The following PCDHB10 variants were observed in gnomAD, a reference collection of about 807,000 sequenced individuals.
PCDHB10 encodes the protein protocadherin beta 10.
For missense variants in PCDHB10, 1,046 were observed against 1,004.7 expected (o/e 1.04, Z -0.56); for synonymous variants, 448 against 449.2 (o/e 1.00, Z 0.04).
rs1554284246 is a variant in PCDHB10 at position 141,194,013 on chromosome 5, C to T, written c.1461C>T (p.Thr487=). The change falls in exon 1 of 1, where the codon ACC becomes ACT. Residue 487 remains threonine (T), a synonymous_variant. Coordinates refer to ENST00000239446, the MANE Select transcript of PCDHB10 (RefSeq NM_018930.4). Reference sequence around the variant, plus strand: ...ACTCGGGCACCAACGCCCAGGTCACCTACTCGCTGCTGCCGCCCCAAGACC... The same window carrying T: ...ACTCGGGCACCAACGCCCAGGTCACTTACTCGCTGCTGCCGCCCCAAGACC... ...DRDSGTNAQV[T]YSLLPPQDPH... 1 of 1,609,008 alleles carries T rather than the reference C, an allele frequency of 6.2e-7. No individual in the cohort carries two copies. The highest frequency in any genetic ancestry group is 2.2e-5 in the East Asian group (1 of 44,808).
At position 141,193,319 on chromosome 5, in the gene PCDHB10, C is replaced by A. The variant is rs782766468; in HGVS notation, c.767C>A (p.Pro256His). ...LYETQAPENS[P>H]IGFLIVKVWA... is the part of the protein sequence containing the mutation. ...GAGACCCAGGCTCCAGAAAACAGCC[C>A]CATTGGGTTCCTTATTGTTAAGGTA... Residue 256 changes from proline to histidine, a missense_variant, in exon 1 of 1, where the codon CCC becomes CAC. Transcript: ENST00000239446. 2 of 1,614,076 alleles carry A rather than the reference C, an allele frequency of 1.2e-6. No individual in the cohort carries two copies. The highest frequency in any genetic ancestry group is 1.3e-5 in the African/African-American group (1 of 74,992).
rs1428124124 is a variant in PCDHB10 at position 141,194,450 on chromosome 5, G to A, written c.1898G>A (p.Arg633His). Residue 633 changes from arginine (R) to histidine (H), a missense_variant, in exon 1 of 1, where the codon CGC (arginine) becomes CAC (histidine). Coordinates refer to ENST00000239446, the MANE Select transcript of PCDHB10 (RefSeq NM_018930.4). ...CGCACCGCCAGGCTGCTGAGCGAGC[G>A]CGACGCAGCCAAGCACAGGCTCGTG... ...EVRTARLLSE[R>H]DAAKHRLVVL... The A allele has an allele frequency of 1.7e-5, 27 of 1,604,240 alleles. No homozygotes were observed. The East Asian group carries it at 5.8e-4, about 35-fold the overall frequency.
rs1343147180 is a variant in PCDHB10 at position 141,193,193 on chromosome 5, C to T, written c.641C>T (p.Ala214Val). The change falls in exon 1 of 1, where the codon GCG becomes GTG. Residue 214 changes from alanine to valine, a missense_variant. Physicochemically the swap from Ala to Val is moderately conservative, Grantham distance 64 (BLOSUM62 0). Transcript: ENST00000239446. ...EQGELSLTLT[A>V]LDGGSPSRSG... ...GGAGAGCTCAGCTTAACCCTCACAG[C>T]GCTGGATGGTGGGTCTCCATCCAGG... 4 of 1,613,920 alleles carry T rather than the reference C, an allele frequency of 2.5e-6. No homozygotes were observed. In the East Asian group the frequency reaches 8.9e-5, roughly 36 times the overall value.
rs369256683 is a variant in PCDHB10, at chr5:141,193,066, A to C, written c.514A>C (p.Ile172Leu). Residue 172 changes from isoleucine (I) to leucine (L), a missense_variant, in exon 1 of 1, where the codon ATC becomes CTC. Physicochemically the swap from Ile to Leu is conservative, Grantham distance 5. Coordinates refer to ENST00000239446, the MANE Select transcript of PCDHB10 (RefSeq NM_018930.4). ...GGLNGIQNYT[I>L]SPNSFFHINI... is the part of the protein sequence containing the mutation. ...ACTTAACGGTATCCAAAACTACACG[A>C]TCAGCCCCAACTCTTTTTTCCATAT... is the stretch of plus-strand genomic sequence containing the variant. 5.0e-6 allele frequency: 8 copies of C among 1,614,100 alleles called. No homozygotes were observed. The African/African-American group carries it at 1.1e-4, about 22-fold the overall frequency.
In PCDHB10 at chr5:141,195,048, C is replaced by A; in HGVS notation, c.*93C>A. 2 of 1,347,402 alleles carry A rather than the reference C, an allele frequency of 1.5e-6. No homozygotes were observed. The highest frequency in any genetic ancestry group is 2.0e-6 in the Non-Finnish European group (2 of 995,268). 83.5% of individuals were successfully genotyped at this position (1,347,402 alleles called of 1,614,324 possible). A position where few individuals can be genotyped will look rare whatever the true frequency, so the allele number is the denominator to read the frequency against. On this transcript the variant is annotated 3_prime_UTR_variant, in exon 1 of 1. Transcript: ENST00000239446. ...ATCTCAAATTTAAGTTATTATGCAA[C>A]TTCAAGCATTATTTTCAAGTAGTAT...
chr5:141,195,432 T>C lies in PCDHB10; in HGVS notation c.*477T>C, dbSNP rs1320388071. ...CTCTACTACTATGCTCATGACAAAA[T>C]GAAACAAAGCATATTGTGAGCAATA... On this transcript the variant is annotated 3_prime_UTR_variant, in exon 1 of 1. Coordinates refer to ENST00000239446, the MANE Select transcript of PCDHB10 (RefSeq NM_018930.4). 6.0e-6 allele frequency: 1 copy of C among 167,568 alleles called. No individual in the cohort carries two copies. Among genetic ancestry groups the C allele is most frequent in the Non-Finnish European group, 1.5e-5 (1 of 68,478 alleles). 10.4% of individuals were successfully genotyped at this position (167,568 alleles called of 1,614,324 possible). A position where few individuals can be genotyped will look rare whatever the true frequency, so the allele number is the denominator to read the frequency against.
In PCDHB10 at chr5:141,193,558, G is replaced by A; in HGVS notation, c.1006G>A (p.Glu336Lys). The A allele has an allele frequency of 6.2e-7, 1 of 1,614,092 alleles. No homozygotes were observed. Among genetic ancestry groups the A allele is most frequent in the Non-Finnish European group, 8.5e-7 (1 of 1,180,000 alleles). ...GLSARCRVLV[E>K]VLDTNDNPPE... ...TTCTGCAAGATGTAGGGTTTTAGTG[G>A]AAGTATTGGACACCAATGACAATCC... Residue 336 changes from glutamate to lysine, a missense_variant, in exon 1 of 1, where the codon GAA (glutamate) becomes AAA (lysine). Coordinates refer to ENST00000239446, the MANE Select transcript of PCDHB10 (RefSeq NM_018930.4).
Position 141,193,135 on chromosome 5 carries a change from G to C in PCDHB10, c.583G>C (p.Val195Leu). ...TGAAGGCATGATATATCCAGAGCTAGTGTTGGACAAAGCACTGGATCGGGA... is the reference window on the plus strand; with the variant it reads ...TGAAGGCATGATATATCCAGAGCTACTGTTGGACAAAGCACTGGATCGGGA... ...GDEGMIYPEL[V>L]LDKALDREEQ... The change falls in exon 1 of 1, where the codon GTG becomes CTG. Residue 195 changes from valine (V) to leucine (L), a missense_variant. Coordinates refer to ENST00000239446, the MANE Select transcript of PCDHB10 (RefSeq NM_018930.4). The C allele has an allele frequency of 6.2e-7, 1 of 1,614,160 alleles. No individual in the cohort carries two copies. Among genetic ancestry groups the C allele is most frequent in the Non-Finnish European group, 8.5e-7 (1 of 1,180,030 alleles).
Position 141,194,199 on chromosome 5 carries a change from G to A in PCDHB10, c.1647G>A (p.Val549=), listed in dbSNP as rs17844585. 5.5e-5 allele frequency: 88 copies of A among 1,602,972 alleles called. No homozygotes were observed. Among genetic ancestry groups the A allele is most frequent in the East Asian group, 1.6e-4 (7 of 44,700 alleles). The change falls in exon 1 of 1, where the codon GTG becomes GTA. Residue 549 remains valine, a synonymous_variant. Transcript: ENST00000239446. ...TGAGCAGAGAGGCGCTGGTGCGCGTGCTGGTGCTGGACGCCAACGACAACT... is the reference window on the plus strand; with the variant it reads ...TGAGCAGAGAGGCGCTGGTGCGCGTACTGGTGCTGGACGCCAACGACAACT... ...PALSREALVR[V]LVLDANDNSP...
In PCDHB10 at chr5:141,194,762, A is replaced by T. The variant is rs1754016019; in HGVS notation, c.2210A>T (p.His737Leu). 2 of 1,613,822 alleles carry T rather than the reference A, an allele frequency of 1.2e-6. No individual in the cohort carries two copies. Among genetic ancestry groups the T allele is most frequent in the African/African-American group, 2.7e-5 (2 of 74,850 alleles). ...GTGCCCGAGGGTCCTTTTCCAGGGC[A>T]TCTGGTGGACGTGAGGGGCGCTGAG... Reference protein sequence around the residue: ...CSVPEGPFPGHLVDVRGAETL... With the variant: ...CSVPEGPFPGLLVDVRGAETL... The change falls in exon 1 of 1, where the codon CAT becomes CTT. Residue 737 changes from histidine (H) to leucine (L), a missense_variant. Physicochemically the swap from His to Leu is moderately conservative, Grantham distance 99. Coordinates refer to ENST00000239446, the MANE Select transcript of PCDHB10 (RefSeq NM_018930.4).
Position 141,193,560 on chromosome 5 carries a change from AG to A in PCDHB10, c.1009del (p.Val337TyrfsTer11). 1.2e-6 allele frequency: 2 copies of A among 1,614,144 alleles called. No homozygotes were observed. The highest frequency in any genetic ancestry group is 1.7e-6 in the Non-Finnish European group (2 of 1,180,018). ...CTGCAAGATGTAGGGTTTTAGTGGA[AG>A]TATTGGACACCAATGACAATCCCCC... ...LSARCRVLVE[V>X]LDTNDNPPEL... On this transcript the variant is annotated frameshift_variant, in exon 1 of 1. Transcript: ENST00000239446. LOFTEE classifies it low-confidence loss of function (END_TRUNC).
chr5:141,193,296 G>A lies in PCDHB10; in HGVS notation c.744G>A (p.Glu248=), dbSNP rs1753952372. The change falls in exon 1 of 1, where the codon GAG becomes GAA. Residue 248 remains glutamate, a synonymous_variant. Coordinates refer to ENST00000239446, the MANE Select transcript of PCDHB10 (RefSeq NM_018930.4). ...CACAGTTTGCCCAGGCTCTGTATGA[G>A]ACCCAGGCTCCAGAAAACAGCCCCA... ...NAPQFAQALY[E]TQAPENSPIG... 6.2e-7 allele frequency: 1 copy of A among 1,614,068 alleles called. No homozygotes were observed. The highest frequency in any genetic ancestry group is 8.5e-7 in the Non-Finnish European group (1 of 1,180,028).
In PCDHB10 at chr5:141,192,402, A is replaced by C. The variant is rs1364361791; in HGVS notation, c.-151A>C. The C allele has an allele frequency of 9.3e-6, 9 of 968,284 alleles. No individual in the cohort carries two copies. Among genetic ancestry groups the C allele is most frequent in the African/African-American group, 1.6e-5 (1 of 60,848 alleles). 60.0% of individuals were successfully genotyped at this position (968,284 alleles called of 1,614,324 possible). On this transcript the variant is annotated 5_prime_UTR_variant, in exon 1 of 1. Coordinates refer to ENST00000239446, the MANE Select transcript of PCDHB10 (RefSeq NM_018930.4). ...AGGAAGACACGGACAGATGAACTTA[A>C]AAGAGAAGCTTTAGCTGCCAAAGAT...
chr5:141,193,549 G>A lies in PCDHB10; in HGVS notation c.997G>A (p.Val333Ile). The change falls in exon 1 of 1, where the codon GTT becomes ATT. Residue 333 changes from valine to isoleucine, a missense_variant. Physicochemically the swap from Val to Ile is conservative, Grantham distance 29. Coordinates refer to ENST00000239446, the MANE Select transcript of PCDHB10 (RefSeq NM_018930.4). Reference protein sequence around the residue: ...DGGGLSARCRVLVEVLDTNDN... With the variant: ...DGGGLSARCRILVEVLDTNDN... The stretch of plus-strand genomic sequence containing the variant: ...TGGAGGCCTTTCTGCAAGATGTAGG[G>A]TTTTAGTGGAAGTATTGGACACCAA... 1 of 1,614,124 alleles carries A rather than the reference G, an allele frequency of 6.2e-7. No homozygotes were observed. The highest frequency in any genetic ancestry group is 1.1e-5 in the South Asian group (1 of 91,080).
Position 141,193,188 on chromosome 5 carries a change from CA to C in PCDHB10, c.637del (p.Thr213GlnfsTer57), listed in dbSNP as rs1554283995. On this transcript the variant is annotated frameshift_variant, in exon 1 of 1. Transcript: ENST00000239446. LOFTEE classifies it low-confidence loss of function (END_TRUNC). ...EEQGELSLTL[T>X]ALDGGSPSRS... ...AGCAGGGAGAGCTCAGCTTAACCCTCACAGCGCTGGATGGTGGGTCTCCATC... is the reference window on the plus strand; with the variant it reads ...AGCAGGGAGAGCTCAGCTTAACCCTCCAGCGCTGGATGGTGGGTCTCCATC... 1 of 1,614,074 alleles carries C rather than the reference CA, an allele frequency of 6.2e-7. No individual in the cohort carries two copies. The highest frequency in any genetic ancestry group is 2.2e-5 in the East Asian group (1 of 44,864).
chr5:141,194,743 G>A lies in PCDHB10; in HGVS notation c.2191G>A (p.Glu731Lys), dbSNP rs782682242. The change falls in exon 1 of 1, where the codon GAG (glutamate) becomes AAG (lysine). Residue 731 changes from glutamate to lysine, a missense_variant. Coordinates refer to ENST00000239446, the MANE Select transcript of PCDHB10 (RefSeq NM_018930.4). ...AASVGRCSVP[E>K]GPFPGHLVDV... ...CTCGGTGGGTCGCTGCTCGGTGCCCGAGGGTCCTTTTCCAGGGCATCTGGT... is the reference window on the plus strand; with the variant it reads ...CTCGGTGGGTCGCTGCTCGGTGCCCAAGGGTCCTTTTCCAGGGCATCTGGT... 7 of 1,613,186 alleles carry A rather than the reference G, an allele frequency of 4.3e-6. No individual in the cohort carries two copies. The highest frequency in any genetic ancestry group is 1.7e-4 in the Middle Eastern group (1 of 5,994).
rs782310353 is a variant in PCDHB10 at position 141,194,786 on chromosome 5, A to G, written c.2234A>G (p.Glu745Gly). ...PGHLVDVRGA[E>G]TLSQSYQYEV... ...CATCTGGTGGACGTGAGGGGCGCTG[A>G]GACCCTGTCCCAGAGCTACCAGTAT... Residue 745 changes from glutamate (E) to glycine (G), a missense_variant, in exon 1 of 1, where the codon GAG (glutamate) becomes GGG (glycine). By Grantham distance (98) the Glu-to-Gly change is moderately conservative. Transcript: ENST00000239446. 2.0e-5 allele frequency: 32 copies of G among 1,613,868 alleles called. No individual in the cohort carries two copies. The African/African-American group carries it at 2.5e-4, about 13-fold the overall frequency.
In PCDHB10 at chr5:141,194,764, C is replaced by T. The variant is rs1754016160; in HGVS notation, c.2212C>T (p.Leu738=). Residue 738 remains leucine, a synonymous_variant, in exon 1 of 1, where the codon CTG becomes TTG. Coordinates refer to ENST00000239446, the MANE Select transcript of PCDHB10 (RefSeq NM_018930.4). ...SVPEGPFPGH[L]VDVRGAETLS... ...GCCCGAGGGTCCTTTTCCAGGGCAT[C>T]TGGTGGACGTGAGGGGCGCTGAGAC... is the stretch of plus-strand genomic sequence containing the variant. 1.9e-6 allele frequency: 3 copies of T among 1,614,078 alleles called. No individual in the cohort carries two copies. Among genetic ancestry groups the T allele is most frequent in the East Asian group, 4.5e-5 (2 of 44,836 alleles).
Position 141,193,094 on chromosome 5 carries a change from A to C in PCDHB10, c.542A>C (p.Asn181Thr), listed in dbSNP as rs1554283962. 2 of 1,614,118 alleles carry C rather than the reference A, an allele frequency of 1.2e-6. No individual in the cohort carries two copies. Among genetic ancestry groups the C allele is most frequent in the East Asian group, 2.2e-5 (1 of 44,884 alleles). ...TISPNSFFHI[N>T]ISGGDEGMIY... ...AGCCCCAACTCTTTTTTCCATATTA[A>C]CATTAGTGGCGGTGATGAAGGCATG... The change falls in exon 1 of 1, where the codon AAC (asparagine) becomes ACC (threonine). Residue 181 changes from asparagine to threonine, a missense_variant. Asn to Thr is a moderately conservative substitution (Grantham distance 65). Transcript: ENST00000239446.
Sources: gnomAD v4.1 joint callset for allele counts on GRCh38, gnomAD v4.1.1 for gene constraint, MANE v1.5 for transcripts, NCBI Gene and HGNC (gene_info 2026-07-23, HGNC 2026-07-21) for gene names.